Variants in KAZN observed in about 807,000 individuals in gnomAD.
KAZN encodes the protein kazrin.
In KAZN, 40 loss-of-function variants were observed where a neutral mutation model predicts 87.4. The observed-to-expected ratio is 0.46, with a 90% confidence interval of 0.36 to 0.60. KAZN has a LOEUF of 0.60. Ranked by LOEUF, KAZN falls within the 20% of genes least tolerant of loss-of-function variation. KAZN has a pLI of 0.00. For missense variants in KAZN, 898 were observed against 1,073.9 expected, an observed-to-expected ratio of 0.84 and a Z score of 2.29; for synonymous variants, 466 against 458.3, an observed-to-expected ratio of 1.02 and a Z score of -0.22.
upstream of KAZN, among the ~76,000 whole-genome samples, chr1:14,598,124 C>G (rs1481748464): frequency 6.6e-6 from 1 of 152,156 alleles, no homozygotes; most frequent in African/African-American, 2.4e-5. The surrounding 1 kb of genome is among the most constrained non-coding windows in gnomAD (Gnocchi z 4.2). Context: ...GCGGGAGCAC[C>G]AGCGGCCCAC....
In KAZN at chr1:14,051,948, A is replaced by G. The variant is rs575883196; in HGVS notation, c.92-128487A>G. 3.3e-5 allele frequency among the ~76,000 whole-genome samples: 5 copies of G among 152,330 alleles called. No homozygotes were observed. In the East Asian group the frequency reaches 9.6e-4, roughly 29 times the overall value. ...ATGTTCTGGAGCTCTTCCAAGCCTT[A>G]TGTTTTTGATCCTCACTGTGGACAG... is the stretch of plus-strand genomic sequence containing the variant. On this transcript the variant is annotated intron_variant, in intron 1 of 16. Coordinates refer to the KAZN transcript ENST00000636203.
At chr1:14,018,304 C>T (rs893288308) in intron 1 of KAZN, among the ~76,000 whole-genome samples, 12 of 152,194 alleles carry the variant, frequency 7.9e-5, no homozygotes, top group Admixed American at 6.5e-5. Context: ...AAATTGACTT[C>T]GTGAGAAGAC....
intron 1 of KAZN, among the ~76,000 whole-genome samples, chr1:14,026,772 CA>C (rs1641093373): frequency 6.6e-6 from 1 of 152,164 alleles, no homozygotes. Context: ...GTGAATAGCA[CA>C]GCCCTGCTCT....
intron 1 of KAZN, among the ~76,000 whole-genome samples, chr1:14,149,498 T>C (rs1307206192): frequency 6.6e-6 from 1 of 152,170 alleles, no homozygotes; most frequent in Non-Finnish European, 1.5e-5. Context: ...TCCGGAGTTC[T>C]GGGAACACGG....
chr1:14,732,196 G>A (rs938222358), intron 1 of KAZN, among the ~76,000 whole-genome samples: 5 of 152,164 alleles, frequency 3.3e-5, no homozygotes, highest in Admixed American at 6.5e-5. Flanking sequence ...GGTATTGGCC[G>A]TTGCTATGAT....
intron 2 of KAZN, among the ~76,000 whole-genome samples, chr1:14,269,146 C>A (rs1651722170): frequency 6.6e-6 from 1 of 152,112 alleles, no homozygotes; most frequent in Non-Finnish European, 1.5e-5. Context: ...ATATTGCCCC[C>A]AAGGGGGTGA....
chr1:14,899,088 A>C (rs1015790658), intron 1 of KAZN, among the ~76,000 whole-genome samples: 8 of 152,182 alleles, frequency 5.3e-5, no homozygotes, highest in African/African-American at 1.9e-4. Context: ...TTGGAGACTC[A>C]AGTCTACCAC....
At chr1:14,808,933 C>A (rs1236767776) in intron 1 of KAZN, among the ~76,000 whole-genome samples, 1 of 152,144 alleles carries the variant, frequency 6.6e-6, no homozygotes, top group Non-Finnish European at 1.5e-5. Flanking sequence ...GCCACAGCTC[C>A]AAGCATCACA....
chr1:14,407,281 G>A (rs1370043217), intron 2 of KAZN, among the ~76,000 whole-genome samples: 1 of 152,176 alleles, frequency 6.6e-6, no homozygotes, highest in South Asian at 2.1e-4. Flanking sequence ...CTGGGTCATA[G>A]GATAGACAAG....
intron 1 of KAZN, among the ~76,000 whole-genome samples, chr1:14,647,241 G>T (rs746544434): frequency 1.3e-5 from 2 of 152,072 alleles, no homozygotes; most frequent in Non-Finnish European, 2.9e-5. Context: ...AAAACAGCCC[G>T]CAGCCAATTG....
intron 1 of KAZN, among the ~76,000 whole-genome samples, chr1:14,612,091 C>T (rs373437558): frequency 6.6e-6 from 1 of 152,266 alleles, no homozygotes; most frequent in East Asian, 1.9e-4. Context: ...GCTCGACACA[C>T]AGGAGGAGCT....
At chr1:14,499,482 G>C (rs1670124091) in intron 2 of KAZN, among the ~76,000 whole-genome samples, 1 of 152,186 alleles carries the variant, frequency 6.6e-6, no homozygotes, top group Admixed American at 6.5e-5. Context: ...TCTGGGAGGA[G>C]CTGGCTGTGG....
intron 1 of KAZN, among the ~76,000 whole-genome samples, chr1:14,130,728 G>A (rs1273114294): frequency 1.3e-5 from 2 of 152,120 alleles, no homozygotes; most frequent in East Asian, 1.9e-4. Context: ...TTTGGGACCT[G>A]ATATTACCAC....
At chr1:14,945,293 A>G (rs899828614) in intron 1 of KAZN, among the ~76,000 whole-genome samples, 3 of 152,176 alleles carry the variant, frequency 2.0e-5, no homozygotes, top group African/African-American at 7.2e-5. Flanking sequence ...TTCTCAGCCC[A>G]AGGTAATTTT....
chr1:14,170,070 C>T (rs1321825074), intron 1 of KAZN, among the ~76,000 whole-genome samples: 5 of 152,148 alleles, frequency 3.3e-5, no homozygotes, highest in Non-Finnish European at 7.4e-5. Context: ...ATTGATCCTC[C>T]AAGGTGTGGA....
intron 2 of KAZN, among the ~76,000 whole-genome samples, chr1:14,401,310 T>C (rs1301695545): frequency 1.3e-5 from 2 of 151,852 alleles, no homozygotes; most frequent in East Asian, 3.8e-4. Flanking sequence ...TTCTTATATA[T>C]ATAATGTAGA....
At position 14,179,113 on chromosome 1, in the gene KAZN, T is replaced by C. The variant is rs149122172; in HGVS notation, c.92-1322T>C. 7.1e-3 allele frequency among the ~76,000 whole-genome samples: 1,076 copies of C among 152,220 alleles called. 18 individuals carry two copies. The highest frequency in any genetic ancestry group is 0.025 in the African/African-American group (1,021 of 41,540). On this transcript the variant is annotated intron_variant, in intron 1 of 16. Coordinates refer to the KAZN transcript ENST00000636203. The stretch of plus-strand genomic sequence containing the variant: ...CGTTTTTCTTGCTGGTCATGTAGAG[T>C]TTTATCCTGCCCAGACACAGGATTG...
intron 1 of KAZN, among the ~76,000 whole-genome samples, chr1:14,649,821 C>T (rs1009125628): frequency 1.2e-4 from 19 of 152,110 alleles, no homozygotes; most frequent in Non-Finnish European, 2.6e-4. Context: ...TCCCATTAAT[C>T]CAAGAATATT....
chr1:14,778,630 C>T (rs2100633204), intron 1 of KAZN, among the ~76,000 whole-genome samples: 1 of 152,276 alleles, frequency 6.6e-6, no homozygotes, highest in Non-Finnish European at 1.5e-5. Flanking sequence ...ACAAGATCCT[C>T]AGAAAAACCC....
Sources: gnomAD v4.1 joint callset for allele counts (sites outside exome capture counted in the v4.1 genomes callset) on GRCh38, gnomAD v4.1.1 for gene constraint, Gnocchi (gnomAD v3.1) non-coding constraint, MANE v1.5 for transcripts, NCBI Gene and HGNC (gene_info 2026-07-23, HGNC 2026-07-21) for gene names.